Variants in RAD51B observed in about 807,000 individuals in gnomAD.
The protein encoded by RAD51B is DNA repair protein RAD51 homolog 2.
Under a neutral mutation model 42.2 loss-of-function variants are expected in RAD51B, and 38 were observed. The ratio of observed to expected loss-of-function variants is 0.90; its 90% CI spans 0.70 to 1.18. The LOEUF is 1.18. RAD51B is among the 50% of genes most tolerant of loss of function. RAD51B has a pLI of 0.00. For synonymous variants in RAD51B, 154 were observed against 145.2 expected (o/e 1.06, Z -0.43); for missense variants, 373 against 400.7 (o/e 0.93, Z 0.59).
intron 7 of RAD51B, among the ~76,000 whole-genome samples, chr14:68,196,188 C>T (rs1021221926): frequency 7.9e-5 from 11 of 140,072 alleles, no homozygotes; most frequent in Non-Finnish European, 1.8e-4. Context: ...GAGACTCCAT[C>T]TCAAAAAAAA....
intron 7 of RAD51B, among the ~76,000 whole-genome samples, chr14:67,959,226 A>G (rs1423028552): frequency 6.6e-6 from 1 of 151,384 alleles, no homozygotes; most frequent in African/African-American, 2.4e-5. Context: ...TTTGTGTTTG[A>G]TTCTCCTGAT....
At chr14:68,588,229 G>A (rs937541141) in intron 10 of RAD51B, among the ~76,000 whole-genome samples, 3 of 152,136 alleles carry the variant, frequency 2.0e-5, no homozygotes, top group Non-Finnish European at 2.9e-5. Flanking sequence ...CAGCAGAGAT[G>A]ATGTAACCTA....
chr14:68,538,343 G>A (rs1165010897), intron 10 of RAD51B, among the ~76,000 whole-genome samples: 1 of 152,148 alleles, frequency 6.6e-6, no homozygotes, highest in Non-Finnish European at 1.5e-5. Context: ...GGGGAGGGCC[G>A]GGGGCCAGGA....
At chr14:67,943,087 A>G (rs2045264833) in intron 7 of RAD51B, among the ~76,000 whole-genome samples, 1 of 150,572 alleles carries the variant, frequency 6.6e-6, no homozygotes, top group South Asian at 2.1e-4. Flanking sequence ...TATATTAAAT[A>G]TATTAAATGA....
intron 11 of RAD51B, among the ~76,000 whole-genome samples, chr14:68,654,479 T>C (rs1892768477): frequency 6.6e-6 from 1 of 152,210 alleles, no homozygotes; most frequent in South Asian, 2.1e-4. Flanking sequence ...CATGAGCTGC[T>C]AATTTTGTCG....
intron 10 of RAD51B, 22 bp downstream of exon 10, chr14:68,468,272 A>G (rs772041741): frequency 9.4e-6 from 15 of 1,596,594 alleles, no homozygotes; most frequent in Middle Eastern, 1.7e-4. Flanking sequence ...GGATTAAGCC[A>G]TTTCTTTAAG....
At chr14:68,330,452 G>C (rs2145422) in intron 8 of RAD51B, among the ~76,000 whole-genome samples, 80,566 of 151,938 alleles carry the variant, frequency 0.53, 23,069 homozygotes, top group South Asian at 0.66. Flanking sequence ...TCTTGTACTG[G>C]GTGTGACATT....
intron 10 of RAD51B, among the ~76,000 whole-genome samples, chr14:68,527,535 G>A (rs1207814940): frequency 6.6e-6 from 1 of 152,252 alleles, no homozygotes; most frequent in Non-Finnish European, 1.5e-5. Flanking sequence ...CACATTGTAG[G>A]AGAAAGAGAA....
At chr14:68,629,821 T>G (rs1232950641) in intron 10 of RAD51B, among the ~76,000 whole-genome samples, 2 of 152,256 alleles carry the variant, frequency 1.3e-5, no homozygotes, top group Non-Finnish European at 2.9e-5. Flanking sequence ...TCACATATTG[T>G]TACATTTCAC....
chr14:67,895,819 T>C (rs2043396881), intron 7 of RAD51B, among the ~76,000 whole-genome samples: 1 of 152,174 alleles, frequency 6.6e-6, no homozygotes, highest in Non-Finnish European at 1.5e-5. Flanking sequence ...CCCCGAGACC[T>C]CTCTATGGCT....
At chr14:67,962,261 C>T (rs1417198171) in intron 7 of RAD51B, among the ~76,000 whole-genome samples, 1 of 151,970 alleles carries the variant, frequency 6.6e-6, no homozygotes, top group Non-Finnish European at 1.5e-5. Flanking sequence ...AGGAAGTGGA[C>T]CCAACAAATC....
intron 10 of RAD51B, among the ~76,000 whole-genome samples, chr14:68,559,464 T>C (rs1407482903): frequency 6.6e-6 from 1 of 150,790 alleles, no homozygotes; most frequent in Non-Finnish European, 1.5e-5. Context: ...CACTGCAACC[T>C]CTGCCTCCCA....
intron 8 of RAD51B, among the ~76,000 whole-genome samples, chr14:68,379,958 C>T (rs1439407185): frequency 6.6e-6 from 1 of 152,202 alleles, no homozygotes; most frequent in Non-Finnish European, 1.5e-5. Context: ...TACTCACATA[C>T]TCATAAATGC....
intron 8 of RAD51B, among the ~76,000 whole-genome samples, chr14:68,356,291 C>T (rs1013167973): frequency 8.2e-4 from 125 of 152,078 alleles, no homozygotes; most frequent in Non-Finnish European, 1.6e-4. Flanking sequence ...AAAAATTAGC[C>T]GGGTGCAGTG....
At chr14:68,393,835 G>A (rs2083832858) in intron 8 of RAD51B, among the ~76,000 whole-genome samples, 1 of 152,204 alleles carries the variant, frequency 6.6e-6, no homozygotes, top group African/African-American at 2.4e-5. Context: ...CCTGAAATGT[G>A]TGGGAATGTT....
intron 9 of RAD51B, among the ~76,000 whole-genome samples, chr14:68,432,317 T>C (rs1431960941): frequency 6.6e-6 from 1 of 152,190 alleles, no homozygotes; most frequent in Non-Finnish European, 1.5e-5. Context: ...GTTAACTTTC[T>C]GTCTCATTGA....
intron 4 of RAD51B, among the ~76,000 whole-genome samples, chr14:67,862,014 A>G (rs1307872630): frequency 6.6e-6 from 1 of 152,110 alleles, no homozygotes; most frequent in Non-Finnish European, 1.5e-5. Context: ...AGATGTTGGT[A>G]AAAGGGTCTC....
intron 7 of RAD51B, among the ~76,000 whole-genome samples, chr14:67,889,463 A>C (rs1015280805): frequency 1.3e-5 from 2 of 149,730 alleles, no homozygotes; most frequent in African/African-American, 4.9e-5. Flanking sequence ...ATTGCTTGCT[A>C]TATATATAAG....
chr14:67,923,058 A>T (rs114721189), intron 7 of RAD51B, among the ~76,000 whole-genome samples: 9,098 of 152,096 alleles, frequency 0.06, 639 homozygotes, highest in African/African-American at 0.17. Flanking sequence ...AGTTCATTTT[A>T]TCATTCTTAT....
Sources: gnomAD v4.1 joint callset for allele counts (sites outside exome capture counted in the v4.1 genomes callset) on GRCh38, gnomAD v4.1.1 for gene constraint, MANE v1.5 for transcripts, NCBI Gene and HGNC (gene_info 2026-07-23, HGNC 2026-07-21) for gene names.